Variants in AKAP6 observed in about 807,000 individuals in gnomAD.
AKAP6 encodes A-kinase anchor protein 6.
A neutral mutation model predicts 188.5 loss-of-function variants in AKAP6; 58 were observed. The observed-to-expected ratio is 0.31, with a 90% CI of 0.25 to 0.38. AKAP6 has a LOEUF of 0.38. Among genes scored for constraint, AKAP6 ranks in the 10% least tolerant of loss-of-function variants. The probability of loss-of-function intolerance (pLI) is 1.00; values close to 1 mark genes in which losing one functional copy is unlikely to be tolerated. For missense variants in AKAP6, 2,710 were observed against 2,740.0 expected (o/e 0.99, Z 0.24); for synonymous variants, 989 against 998.6 (o/e 0.99, Z 0.18).
chr14:32,808,923 C>T (rs1339395308), intron 12 of AKAP6, among the ~76,000 whole-genome samples: 2 of 152,158 alleles, frequency 1.3e-5, no homozygotes, highest in Non-Finnish European at 2.9e-5. Context: ...CAAAATGGGG[C>T]TGCTTCAGGG....
intron 1 of AKAP6, among the ~76,000 whole-genome samples, chr14:32,351,416 G>A (rs748836897): frequency 6.6e-6 from 1 of 152,104 alleles, no homozygotes; most frequent in Non-Finnish European, 1.5e-5. Flanking sequence ...TACAAAATTA[G>A]CCAGGTGTGG....
intron 12 of AKAP6, among the ~76,000 whole-genome samples, chr14:32,794,362 C>G (rs1035607149): frequency 6.6e-6 from 1 of 152,076 alleles, no homozygotes. Flanking sequence ...GGAGTTCAGA[C>G]CAGCCTGGCC....
Position 32,433,827 on chromosome 14 carries a change from G to A in AKAP6, c.324+10G>A. The A allele has an allele frequency of 6.2e-7, 1 of 1,609,014 alleles. No individual in the cohort carries two copies. Among genetic ancestry groups the A allele is most frequent in the Non-Finnish European group, 8.5e-7 (1 of 1,178,222 alleles). ...TCTAGTTCAACTAAAGGTAAGGCAA[G>A]GTCTGTGATCCTCTCAGGATAGAAG... On this transcript the variant is annotated intron_variant, in intron 2 of 13. Coordinates refer to ENST00000280979, the MANE Select transcript of AKAP6 (RefSeq NM_004274.5).
intron 11 of AKAP6, among the ~76,000 whole-genome samples, chr14:32,740,472 C>G (rs2031623580): frequency 6.6e-6 from 1 of 152,120 alleles, no homozygotes; most frequent in Admixed American, 6.5e-5. Context: ...GAGATTTCCC[C>G]TAATGTTTTC....
At chr14:32,617,270 C>T (rs1234395180) in intron 7 of AKAP6, among the ~76,000 whole-genome samples, 3 of 151,938 alleles carry the variant, frequency 2.0e-5, no homozygotes, top group African/African-American at 4.8e-5. Flanking sequence ...TTGTTCAGCT[C>T]CCTATCTTTG....
intron 7 of AKAP6, among the ~76,000 whole-genome samples, chr14:32,603,994 C>T (rs946449263): frequency 6.6e-6 from 1 of 151,990 alleles, no homozygotes; most frequent in Admixed American, 6.5e-5. Context: ...GGCTAAGGGA[C>T]TTGAGATATG....
rs1365351971 is a variant in AKAP6, at chr14:32,489,496, A to G, written c.325-46058A>G. On this transcript the variant is annotated intron_variant, in intron 2 of 13. Coordinates refer to ENST00000280979, the MANE Select transcript of AKAP6 (RefSeq NM_004274.5). ...AGTGCTGGGATTACAGGCATGCACCACCATGCCCAGCCCCTTTCTCTTGTT... is the reference window on the plus strand; with the variant it reads ...AGTGCTGGGATTACAGGCATGCACCGCCATGCCCAGCCCCTTTCTCTTGTT... 4.6e-5 allele frequency among the ~76,000 whole-genome samples: 7 copies of G among 152,192 alleles called. No homozygotes were observed. In the East Asian group the frequency reaches 9.6e-4, roughly 21 times the overall value.
chr14:32,378,057 C>A (rs1268004040), intron 1 of AKAP6, among the ~76,000 whole-genome samples: 1 of 152,032 alleles, frequency 6.6e-6, no homozygotes, highest in Non-Finnish European at 1.5e-5. Context: ...TCAGATCTGG[C>A]TGTGTATACT....
chr14:32,812,424 A>G (rs1955478), intron 12 of AKAP6, among the ~76,000 whole-genome samples: 42,144 of 138,070 alleles, frequency 0.31, 7,150 homozygotes, highest in African/African-American at 0.5. Flanking sequence ...ACATTTAGGT[A>G]CTTTCTTGAA....
chr14:32,546,052 C>T lies in AKAP6; in HGVS notation c.1399C>T (p.Leu467Phe). ...ECLHKVGNGN[L>F]ENTVKFHIKE... is the part of the protein sequence containing the mutation. ...TTTACACAAGGTGGGGAATGGGAAC[C>T]TTGAAAACACAGTCAAATTTCACAT... The change falls in exon 4 of 14, where the codon CTT (leucine) becomes TTT (phenylalanine). Residue 467 changes from leucine to phenylalanine, a missense_variant. Leu to Phe is a conservative substitution (Grantham distance 22, BLOSUM62 0). Around this residue, in one of 2 missense-constraint regions of AKAP6, gnomAD observed 2,473 missense variants for 2,426.1 expected, o/e 1.02. Transcript: ENST00000280979. 1 of 1,614,116 alleles carries T rather than the reference C, an allele frequency of 6.2e-7. No individual in the cohort carries two copies. The highest frequency in any genetic ancestry group is 1.3e-5 in the African/African-American group (1 of 75,024).
intron 7 of AKAP6, among the ~76,000 whole-genome samples, chr14:32,605,106 A>G (rs965408897): frequency 6.6e-6 from 1 of 151,314 alleles, no homozygotes; most frequent in African/African-American, 2.4e-5. Flanking sequence ...TAGTTTGCTG[A>G]GGATAATGGA....
intron 2 of AKAP6, among the ~76,000 whole-genome samples, chr14:32,443,859 G>A (rs972459430): frequency 6.6e-6 from 1 of 152,168 alleles, no homozygotes; most frequent in Non-Finnish European, 1.5e-5. Flanking sequence ...AAAGACACCT[G>A]TTGAAGTTGT....
chr14:32,617,194 A>G (rs1239548401), intron 7 of AKAP6, among the ~76,000 whole-genome samples: 2 of 152,106 alleles, frequency 1.3e-5, no homozygotes, highest in African/African-American at 2.4e-5. Context: ...TTCCTTTGCC[A>G]TAGCCACATG....
chr14:32,646,259 A>G (rs971475057), intron 7 of AKAP6, among the ~76,000 whole-genome samples: 1 of 151,092 alleles, frequency 6.6e-6, no homozygotes, highest in Non-Finnish European at 1.5e-5. Context: ...TATATAATAC[A>G]TAATAAGATA....
intron 11 of AKAP6, among the ~76,000 whole-genome samples, chr14:32,749,590 A>G (rs1175785209): frequency 6.6e-6 from 1 of 152,236 alleles, no homozygotes; most frequent in East Asian, 1.9e-4. Flanking sequence ...CAGCCTGGAT[A>G]GCCATACTGA....
At chr14:32,609,910 C>T (rs1299790570) in intron 7 of AKAP6, among the ~76,000 whole-genome samples, 2 of 151,502 alleles carry the variant, frequency 1.3e-5, no homozygotes, top group Non-Finnish European at 2.9e-5. Flanking sequence ...CACACACACA[C>T]ACACACACAC....
At chr14:32,409,880 C>CT (rs35424368) in intron 1 of AKAP6, among the ~76,000 whole-genome samples, 11 of 151,898 alleles carry the variant, frequency 7.2e-5, no homozygotes, top group Admixed American at 5.2e-4. Flanking sequence ...AAACTCTGGC[C>CT]TTTTTTTTCT....
At chr14:32,337,931 G>A (rs1261449409) in intron 1 of AKAP6, among the ~76,000 whole-genome samples, 1 of 152,006 alleles carries the variant, frequency 6.6e-6, no homozygotes, top group African/African-American at 2.4e-5. Flanking sequence ...GAGGGGGGAG[G>A]ATTGCTTGAG....
intron 12 of AKAP6, among the ~76,000 whole-genome samples, chr14:32,795,828 G>T (rs549960621): frequency 1.3e-5 from 2 of 152,266 alleles, no homozygotes; most frequent in Middle Eastern, 3.4e-3. Flanking sequence ...TAAATAGGAA[G>T]AGAGGAAGTC....
Sources: allele counts gnomAD v4.1 joint callset (sites outside exome capture counted in the v4.1 genomes callset), GRCh38; gene constraint gnomAD v4.1.1; regional missense constraint gnomAD v4.1.1; transcripts MANE v1.5; gene names NCBI Gene and HGNC (gene_info 2026-07-23, HGNC 2026-07-21).